Variants in CYB5R4 observed in about 807,000 individuals in gnomAD.
CYB5R4 encodes the protein cytochrome b5 reductase 4.
A neutral mutation model predicts 70.2 loss-of-function variants in CYB5R4; 55 were observed. The observed-to-expected ratio is 0.78, with a 90% CI of 0.63 to 0.98. CYB5R4 has a LOEUF of 0.98. CYB5R4 is among the 50% of genes least tolerant of loss of function. The probability of loss-of-function intolerance (pLI) is 0.00; values close to 1 mark genes in which losing one functional copy is unlikely to be tolerated. For missense variants in CYB5R4, 562 were observed against 612.6 expected (o/e 0.92, Z 0.87); for synonymous variants, 197 against 199.5 (o/e 0.99, Z 0.11).
At chr6:83,924,928 TG>T (rs1469748083) in intron 10 of CYB5R4, among the ~76,000 whole-genome samples, 3 of 152,208 alleles carry the variant, frequency 2.0e-5, no homozygotes, top group Non-Finnish European at 4.4e-5. Context: ...GTTTATGCTT[TG>T]TATGTCTGCT....
At chr6:83,917,518 T>C (rs183580831) in intron 5 of CYB5R4, among the ~76,000 whole-genome samples, 1 of 152,246 alleles carries the variant, frequency 6.6e-6, no homozygotes, top group Non-Finnish European at 1.5e-5. Context: ...ACTATACATA[T>C]AAAGTAATAC....
intron 2 of CYB5R4, among the ~76,000 whole-genome samples, chr6:83,881,018 A>G (rs1422290765): frequency 2.6e-5 from 4 of 151,930 alleles, no homozygotes; most frequent in Admixed American, 2.6e-4. Flanking sequence ...CCTCACTTCA[A>G]GTATGTCTGT....
chr6:83,900,502 G>A (rs1226009891), intron 3 of CYB5R4, among the ~76,000 whole-genome samples: 1 of 152,148 alleles, frequency 6.6e-6, no homozygotes, highest in Non-Finnish European at 1.5e-5. Flanking sequence ...GCAGAGCTGA[G>A]TTCAATTCCT....
At chr6:83,908,884 A>T in intron 3 of CYB5R4, 125 bp from the exon 4 acceptor site, 1 of 673,164 alleles carries the variant, frequency 1.5e-6, no homozygotes, top group South Asian at 1.7e-5. Flanking sequence ...CTAATTGAAT[A>T]TGCTTCTTAG....
intron 5 of CYB5R4, among the ~76,000 whole-genome samples, chr6:83,915,676 G>T (rs1282325112): frequency 6.6e-6 from 1 of 152,194 alleles, no homozygotes; most frequent in African/African-American, 2.4e-5. Context: ...GGTTAGCACT[G>T]TTACCTCTTG....
At chr6:83,868,033 G>A (rs1457971900) in intron 2 of CYB5R4, among the ~76,000 whole-genome samples, 1 of 152,142 alleles carries the variant, frequency 6.6e-6, no homozygotes, top group Non-Finnish European at 1.5e-5. Context: ...CTTCACAGCT[G>A]TTCTAATTTA....
intron 1 of CYB5R4, among the ~76,000 whole-genome samples, chr6:83,863,931 T>G (rs2099456364): frequency 6.6e-6 from 1 of 152,116 alleles, no homozygotes; most frequent in Non-Finnish European, 1.5e-5. Context: ...TAGGGGGAAG[T>G]CCTAGGACCA....
At position 83,955,319 on chromosome 6, in the gene CYB5R4, C is replaced by T. The variant is rs767179651; in HGVS notation, c.1368C>T (p.Leu456=). 7 of 1,613,102 alleles carry T rather than the reference C, an allele frequency of 4.3e-6. No homozygotes were observed. In the African/African-American group the frequency reaches 8.0e-5, roughly 18 times the overall value. Residue 456 remains leucine (L), a synonymous_variant, in exon 15 of 16, where the codon CTC becomes CTT. Coordinates refer to ENST00000369681, the MANE Select transcript of CYB5R4 (RefSeq NM_016230.4). The part of the protein sequence containing the change: ...KDKRLDVEFV[L]SAPISEWNGK... ...CTAGACTGGATGTTGAATTTGTTCT[C>T]TCAGCACCTATTTCTGAATGGAATG...
At chr6:83,898,969 C>T (rs962355176) in intron 3 of CYB5R4, among the ~76,000 whole-genome samples, 1 of 152,174 alleles carries the variant, frequency 6.6e-6, no homozygotes, top group Non-Finnish European at 1.5e-5. Flanking sequence ...CTTCTCCTGC[C>T]TAATTGCCCT....
intron 11 of CYB5R4, 121 bp from the exon 12 acceptor site, chr6:83,936,103 A>G (rs542666188): frequency 4.8e-6 from 3 of 629,310 alleles, no homozygotes; most frequent in Non-Finnish European, 8.0e-6. Context: ...TTAGAATTAT[A>G]TGCCCATTAG....
At chr6:83,873,594 G>A (rs1004192576) in intron 2 of CYB5R4, among the ~76,000 whole-genome samples, 2 of 152,136 alleles carry the variant, frequency 1.3e-5, no homozygotes, top group African/African-American at 4.8e-5. Flanking sequence ...TCGTATGACT[G>A]TGTGTAGTTG....
intron 1 of CYB5R4, among the ~76,000 whole-genome samples, chr6:83,862,779 G>C (rs1180304891): frequency 6.6e-6 from 1 of 152,200 alleles, no homozygotes; most frequent in Admixed American, 6.5e-5. Context: ...ATGGAATGGA[G>C]AGAGGTGAGT....
At chr6:83,870,902 T>G (rs1011935699) in intron 2 of CYB5R4, among the ~76,000 whole-genome samples, 2 of 150,026 alleles carry the variant, frequency 1.3e-5, no homozygotes, top group African/African-American at 4.9e-5. Context: ...TGAATACAAA[T>G]CAACAATGTT....
At chr6:83,942,487 G>T (rs751822273) in intron 14 of CYB5R4, among the ~76,000 whole-genome samples, 10 of 152,202 alleles carry the variant, frequency 6.6e-5, no homozygotes, top group Non-Finnish European at 1.0e-4. Context: ...AGATTCCCTT[G>T]GGTGCCTACA....
chr6:83,903,330 G>A (rs1217569111), intron 3 of CYB5R4, among the ~76,000 whole-genome samples: 4 of 152,154 alleles, frequency 2.6e-5, no homozygotes, highest in South Asian at 4.1e-4. Flanking sequence ...TTACTAATTT[G>A]TGTGTATGTT....
intron 3 of CYB5R4, among the ~76,000 whole-genome samples, chr6:83,903,798 T>C (rs1283321832): frequency 2.0e-5 from 3 of 152,234 alleles, no homozygotes; most frequent in Non-Finnish European, 4.4e-5. Context: ...CAGGAATTTA[T>C]CCATTTTCTC....
At chr6:83,941,472 A>T (rs1191194902) in intron 14 of CYB5R4, among the ~76,000 whole-genome samples, 1 of 152,196 alleles carries the variant, frequency 6.6e-6, no homozygotes, top group African/African-American at 2.4e-5. Flanking sequence ...ATATGTATGT[A>T]TATGAAAGGA....
chr6:83,951,928 C>T (rs1232181659), intron 14 of CYB5R4, among the ~76,000 whole-genome samples: 1 of 152,186 alleles, frequency 6.6e-6, no homozygotes, highest in African/African-American at 2.4e-5. Context: ...TGTTTCTCCA[C>T]GTCCTCTCCA....
At chr6:83,936,093 T>A (rs2099468886) in intron 11 of CYB5R4, 131 bp from the exon 12 acceptor site, 1 of 611,880 alleles carries the variant, frequency 1.6e-6, no homozygotes, top group Non-Finnish European at 2.8e-6. Flanking sequence ...AGAAAAATAA[T>A]TAGAATTATA....
Sources: allele counts gnomAD v4.1 joint callset (sites outside exome capture counted in the v4.1 genomes callset), GRCh38; gene constraint gnomAD v4.1.1; transcripts MANE v1.5; gene names NCBI Gene and HGNC (gene_info 2026-07-23, HGNC 2026-07-21).